Variants in DNAJC5 observed in about 807,000 individuals in gnomAD.
The protein encoded by DNAJC5 is DnaJ heat shock protein family (Hsp40) member C5, also known as dnaJ homolog subfamily C member 5.
In DNAJC5, 1 loss-of-function variant was observed where a neutral mutation model predicts 23.2. The ratio of observed to expected loss-of-function variants is 0.04; its 90% confidence interval spans 0.02 to 0.20. The LOEUF (loss-of-function observed/expected upper bound fraction) is 0.20. Among genes scored for constraint, DNAJC5 ranks in the 10% least tolerant of loss-of-function variants. The pLI is 1.00. For synonymous variants in DNAJC5, 136 were observed against 120.0 expected (o/e 1.13, Z -0.87); for missense variants, 180 against 267.0 (o/e 0.67, Z 2.27).
intron 1 of DNAJC5, 34 bp downstream of exon 1, chr20:63,895,357 C>A (rs1352845386): frequency 1.4e-5 from 2 of 146,788 alleles, no homozygotes; most frequent in Non-Finnish European, 3.0e-5. Flanking sequence ...GGCGGATCGG[C>A]CCACGTCAGG....
intron 1 of DNAJC5, among the ~76,000 whole-genome samples, chr20:63,922,261 A>C (rs1461689867): frequency 6.6e-6 from 1 of 151,872 alleles, no homozygotes; most frequent in African/African-American, 2.4e-5. Flanking sequence ...CAGGAGTTCA[A>C]GACTATCCTG....
Position 63,929,674 on chromosome 20 carries a change from C to T in DNAJC5, c.321+149C>T. 1 of 814,658 alleles carries T rather than the reference C, an allele frequency of 1.2e-6. No homozygotes were observed. The highest frequency in any genetic ancestry group is 1.5e-5 in the South Asian group (1 of 68,074). The allele number at this position is 814,658 out of a possible 1,614,324, so 50.5% of individuals were successfully genotyped here. A position where few individuals can be genotyped will look rare whatever the true frequency, so the allele number is the denominator to read the frequency against. On this transcript the variant is annotated intron_variant, in intron 3 of 4. Transcript: ENST00000360864. This position sits in a 1 kb window ranked among gnomAD's most constrained non-coding sequence, Gnocchi z 8.6. ...CGTGCGGGCACCCGAGTCTCTCCTG[C>T]CGTGCGGGCACCCGAGTCACTCCTG... is the stretch of plus-strand genomic sequence containing the variant.
At position 63,931,280 on chromosome 20, in the gene DNAJC5, G is replaced by A; in HGVS notation, c.494-185G>A. On this transcript the variant is annotated intron_variant, in intron 4 of 4. Transcript: ENST00000360864. This position sits in a 1 kb window ranked among gnomAD's most constrained non-coding sequence, Gnocchi z 9.6. ...GCAGGGCGGCAGGCAGTTGGGGCGG[G>A]GCTGAGGGCCGAGGGCTGGCGGTGA... is the stretch of plus-strand genomic sequence containing the variant. The A allele has an allele frequency of 1.3e-6, 1 of 792,628 alleles. No homozygotes were observed. Among genetic ancestry groups the A allele is most frequent in the Non-Finnish European group, 2.1e-6 (1 of 473,962 alleles). The allele number at this position is 792,628 out of a possible 1,614,324, so 49.1% of individuals were successfully genotyped here. A position where few individuals can be genotyped will look rare whatever the true frequency, so the allele number is the denominator to read the frequency against.
intron 1 of DNAJC5, among the ~76,000 whole-genome samples, chr20:63,927,582 T>A (rs1375285503): frequency 6.7e-6 from 1 of 149,280 alleles, no homozygotes; most frequent in Admixed American, 6.7e-5. Context: ...TCTCTAGATG[T>A]TGGGTGTTCT....
intron 1 of DNAJC5, among the ~76,000 whole-genome samples, chr20:63,926,878 A>T (rs1177086870): frequency 2.6e-5 from 4 of 152,250 alleles, no homozygotes; most frequent in African/African-American, 9.6e-5. Context: ...CCCACGATGC[A>T]GCAAAGGAGA....
chr20:63,925,229 T>C (rs537085617), intron 1 of DNAJC5, among the ~76,000 whole-genome samples: 7 of 152,294 alleles, frequency 4.6e-5, no homozygotes, highest in Non-Finnish European at 7.4e-5. Context: ...CTCACGCCTG[T>C]AATCCCAGCA....
intron 1 of DNAJC5, among the ~76,000 whole-genome samples, chr20:63,917,618 C>T (rs949208797): frequency 5.3e-5 from 8 of 151,180 alleles, no homozygotes; most frequent in Non-Finnish European, 8.8e-5. Context: ...TGCAGTGGCG[C>T]GATCTCGGCT....
intron 1 of DNAJC5, among the ~76,000 whole-genome samples, chr20:63,912,733 G>A (rs1350322516): frequency 2.0e-5 from 3 of 152,152 alleles, no homozygotes; most frequent in South Asian, 2.1e-4. Context: ...TCAGCCTCAC[G>A]AGTAGCTGGG....
At chr20:63,896,896 C>T (rs1283722399) in intron 1 of DNAJC5, among the ~76,000 whole-genome samples, 1 of 152,082 alleles carries the variant, frequency 6.6e-6, no homozygotes, top group Non-Finnish European at 1.5e-5. Context: ...CCTTGTCACC[C>T]GGAAGTCCTT....
At position 63,935,087 on chromosome 20, in the gene DNAJC5, A is replaced by T. The variant is rs1465145934; in HGVS notation, c.*3519A>T. The T allele has an allele frequency of 1.3e-5, 2 of 152,202 alleles. No homozygotes were observed. The highest frequency in any genetic ancestry group is 4.8e-5 in the African/African-American group (2 of 41,422). The allele number at this position is 152,202 out of a possible 1,614,324, so 9.4% of individuals were successfully genotyped here. On this transcript the variant is annotated 3_prime_UTR_variant, in exon 5 of 5. Coordinates refer to ENST00000360864, the MANE Select transcript of DNAJC5 (RefSeq NM_025219.3). The stretch of plus-strand genomic sequence containing the variant: ...GCCTGTGTCTGTTATTTTGGTTGTA[A>T]ATCATTCTCCTGTGGAATTGGCAAA...
Position 63,931,690 on chromosome 20 carries a change from C to G in DNAJC5, c.*122C>G. 1 of 989,094 alleles carries G rather than the reference C, an allele frequency of 1.0e-6. No individual in the cohort carries two copies. Among genetic ancestry groups the G allele is most frequent in the South Asian group, 1.4e-5 (1 of 72,736 alleles). 61.3% of individuals were successfully genotyped at this position (989,094 alleles called of 1,614,324 possible). On this transcript the variant is annotated 3_prime_UTR_variant, in exon 5 of 5. Coordinates refer to ENST00000360864, the MANE Select transcript of DNAJC5 (RefSeq NM_025219.3). This position sits in a 1 kb window ranked among gnomAD's most constrained non-coding sequence, Gnocchi z 9.6. ...TGCCTGCCCTGGCCTTGCTGGGGCC[C>G]CTCCTGCCTCCACGCCCACCCAGCG...
At position 63,929,230 on chromosome 20, in the gene DNAJC5, G is replaced by A. The variant is rs1395559015; in HGVS notation, c.108-82G>A. On this transcript the variant is annotated intron_variant, in intron 2 of 4. Transcript: ENST00000360864. The surrounding 1 kb of genome is among the most constrained non-coding windows in gnomAD (Gnocchi z 8.6). ...CCTGCCTTCCACTGCACCCGGCAGT[G>A]CGTGCGGGTGGGATGGACGCGGCGG... 68 of 1,489,374 alleles carry A rather than the reference G, an allele frequency of 4.6e-5. No homozygotes were observed. The highest frequency in any genetic ancestry group is 6.1e-5 in the Non-Finnish European group (67 of 1,089,806). The allele number at this position is 1,489,374 out of a possible 1,614,324, so 92.3% of individuals were successfully genotyped here.
Position 63,929,427 on chromosome 20 carries a change from A to G in DNAJC5, c.223A>G (p.Ile75Val). ...CCTCACGGACGCCACAAAAAGGAAC[A>G]TCTACGACAAGTACGGCTCGCTGGG... ...AILTDATKRNIYDKYGSLGLY... is the reference protein window; with the variant it reads ...AILTDATKRNVYDKYGSLGLY... The change falls in exon 3 of 5, where the codon ATC becomes GTC. Residue 75 changes from isoleucine (I) to valine (V), a missense_variant. Physicochemically the swap from Ile to Val is conservative, Grantham distance 29. Around this residue, in one of 3 missense-constraint regions of DNAJC5, gnomAD observed 77 missense variants for 106.8 expected, o/e 0.72. Transcript: ENST00000360864. The surrounding 1 kb of genome is among the most constrained non-coding windows in gnomAD (Gnocchi z 8.6). 6.2e-7 allele frequency: 1 copy of G among 1,614,208 alleles called. No individual in the cohort carries two copies. Among genetic ancestry groups the G allele is most frequent in the Non-Finnish European group, 8.5e-7 (1 of 1,180,044 alleles).
chr20:63,931,431 C>G lies in DNAJC5; in HGVS notation c.494-34C>G. The G allele has an allele frequency of 6.5e-7, 1 of 1,528,266 alleles. No homozygotes were observed. Among genetic ancestry groups the G allele is most frequent in the Non-Finnish European group, 8.8e-7 (1 of 1,138,816 alleles). The allele number at this position is 1,528,266 out of a possible 1,614,324, so 94.7% of individuals were successfully genotyped here. A position where few individuals can be genotyped will look rare whatever the true frequency, so the allele number is the denominator to read the frequency against. Reference sequence around the variant, plus strand: ...GCGTTGGGTGCGCGCCAGGCTGTGGCCCTCGTGCAGTGCCCTGTGTGCTTG... The same window carrying G: ...GCGTTGGGTGCGCGCCAGGCTGTGGGCCTCGTGCAGTGCCCTGTGTGCTTG... On this transcript the variant is annotated intron_variant, in intron 4 of 4. Transcript: ENST00000360864. This position sits in a 1 kb window ranked among gnomAD's most constrained non-coding sequence, Gnocchi z 9.6.
chr20:63,898,278 ATG>A (rs2053387374), intron 1 of DNAJC5, among the ~76,000 whole-genome samples: 1 of 152,220 alleles, frequency 6.6e-6, no homozygotes, highest in African/African-American at 2.4e-5. Flanking sequence ...GCGGGGAGTC[ATG>A]ATAAGGTAGA....
chr20:63,909,704 A>G lies in DNAJC5; in HGVS notation c.-12+14381A>G, dbSNP rs897354973. On this transcript the variant is annotated intron_variant, in intron 1 of 4. Coordinates refer to ENST00000360864, the MANE Select transcript of DNAJC5 (RefSeq NM_025219.3). ...TCAAAGAAAGAAAAAGAAAGAAAAA[A>G]GTCTTCCCCGTGAGAGTAGATTTCT... Among the ~76,000 whole-genome samples, 12 of 152,340 alleles carry G rather than the reference A, an allele frequency of 7.9e-5. 1 individual carries two copies. The highest frequency in any genetic ancestry group is 9.6e-5 in the African/African-American group (4 of 41,580).
rs2053563320 is a variant in DNAJC5, at chr20:63,920,676, T to G, written c.-11-7659T>G. ...TTTGTTTGCTTTTAATTTTTAATTT[T>G]TATTTATTTATTTATTTTTGAGACT... On this transcript the variant is annotated intron_variant, in intron 1 of 4. Coordinates refer to ENST00000360864, the MANE Select transcript of DNAJC5 (RefSeq NM_025219.3). This position sits in a 1 kb window ranked among gnomAD's most constrained non-coding sequence, Gnocchi z 4.6. Among the ~76,000 whole-genome samples, 1 of 152,114 alleles carries G rather than the reference T, an allele frequency of 6.6e-6. No individual in the cohort carries two copies. Among genetic ancestry groups the G allele is most frequent in the Non-Finnish European group, 1.5e-5 (1 of 68,042 alleles).
intron 1 of DNAJC5, among the ~76,000 whole-genome samples, chr20:63,925,872 G>C (rs541580025): frequency 1.4e-5 from 2 of 145,998 alleles, no homozygotes; most frequent in South Asian, 4.4e-4. Flanking sequence ...GTGTCGCCCA[G>C]GCTGGAGTGC....
rs1466421184 is a variant in DNAJC5 at position 63,929,124 on chromosome 20, A to T, written c.108-188A>T. ...AGGCTGGGTCAGGGTGAGGAGGTTT[A>T]CCTGAAACAACCGCGGAGCTTGCTT... On this transcript the variant is annotated intron_variant, in intron 2 of 4. Coordinates refer to ENST00000360864, the MANE Select transcript of DNAJC5 (RefSeq NM_025219.3). The surrounding 1 kb of genome is among the most constrained non-coding windows in gnomAD (Gnocchi z 8.6). 6.6e-6 allele frequency among the ~76,000 whole-genome samples: 1 copy of T among 152,092 alleles called. No homozygotes were observed. The highest frequency in any genetic ancestry group is 1.5e-5 in the Non-Finnish European group (1 of 68,018).
Sources: gnomAD v4.1 joint callset for allele counts (sites outside exome capture counted in the v4.1 genomes callset) on GRCh38, gnomAD v4.1.1 for gene constraint, gnomAD v4.1.1 regional missense constraint, Gnocchi (gnomAD v3.1) non-coding constraint, MANE v1.5 for transcripts, NCBI Gene and HGNC (gene_info 2026-07-23, HGNC 2026-07-21) for gene names.